TMEM179: variants seen among roughly 807,000 people sequenced by gnomAD.
TMEM179 encodes transmembrane protein 179A.
Under a neutral mutation model 22.2 loss-of-function variants are expected in TMEM179, and 17 were observed. That is an observed-to-expected ratio of 0.77 (90% confidence interval 0.52 to 1.15). The LOEUF (loss-of-function observed/expected upper bound fraction) is 1.15, where lower values mean the gene tolerates loss of function less well. TMEM179 is among the 50% of genes most tolerant of loss of function. TMEM179 has a pLI of 0.00. For missense variants in TMEM179, 265 were observed against 313.6 expected (o/e 0.84, Z 1.17); for synonymous variants, 127 against 140.5 (o/e 0.90, Z 0.68).
chr14:104,598,970 G>A (rs1887145513), intron 1 of TMEM179, among the ~76,000 whole-genome samples: 1 of 152,222 alleles, frequency 6.6e-6, no homozygotes, highest in African/African-American at 2.4e-5. Context: ...CCTCATGGCT[G>A]AAGATGGCTG....
At position 104,595,026 on chromosome 14, in the gene TMEM179, G is replaced by C; in HGVS notation, c.522+139C>G. The C allele has an allele frequency of 6.6e-7, 1 of 1,525,678 alleles. No homozygotes were observed. The highest frequency in any genetic ancestry group is 2.3e-5 in the East Asian group (1 of 42,638). The allele number at this position is 1,525,678 out of a possible 1,614,324, so 94.5% of individuals were successfully genotyped here. ...GGAAGCCTTCCCGACTGCTCCCACT[G>C]CCTGGTCCCATTGCTAACTACCTTA... is the stretch of plus-strand genomic sequence containing the variant. On this transcript the variant is annotated intron_variant, in intron 3 of 3. Transcript: ENST00000556573. This position sits in a 1 kb window ranked among gnomAD's most constrained non-coding sequence, Gnocchi z 5.7.
At position 104,599,179 on chromosome 14, in the gene TMEM179, G is replaced by A. The variant is rs73361871; in HGVS notation, c.306-2052C>T. ...GACTGGCTCCATCCGCCCTGCCCAA[G>A]CCTGAATCACCATGTGCCAGTGTCT... On this transcript the variant is annotated intron_variant, in intron 1 of 3. Coordinates refer to ENST00000556573, the MANE Select transcript of TMEM179 (RefSeq NM_001286389.2). Among the ~76,000 whole-genome samples the A allele has an allele frequency of 5.4e-3, 827 of 152,328 alleles. 11 individuals are homozygous for A. Among genetic ancestry groups the A allele is most frequent in the African/African-American group, 0.018 (766 of 41,578 alleles).
At chr14:104,600,437 G>A (rs1367486929) in intron 1 of TMEM179, among the ~76,000 whole-genome samples, 1 of 152,198 alleles carries the variant, frequency 6.6e-6, no homozygotes, top group East Asian at 1.9e-4. Flanking sequence ...GCATCCCTCC[G>A]GCCCGCCAAC....
chr14:104,596,328 G>A (rs552315397), intron 2 of TMEM179, among the ~76,000 whole-genome samples: 5 of 152,324 alleles, frequency 3.3e-5, no homozygotes, highest in African/African-American at 9.6e-5. Context: ...CACTGTGGGG[G>A]GCAGGCAGTC....
rs1035679433 is a variant in TMEM179, at chr14:104,597,532, C to T, written c.306-405G>A. 5.3e-5 allele frequency among the ~76,000 whole-genome samples: 8 copies of T among 152,134 alleles called. No individual in the cohort carries two copies. Among genetic ancestry groups the T allele is most frequent in the Non-Finnish European group, 8.8e-5 (6 of 68,012 alleles). ...TTGTGTCCCCCCAAATCCATATGTT[C>T]CAGTCCACTGAGGGGTTAGAAAGTG... On this transcript the variant is annotated intron_variant, in intron 1 of 3. Transcript: ENST00000556573. This position sits in a 1 kb window ranked among gnomAD's most constrained non-coding sequence, Gnocchi z 4.8.
Position 104,591,611 on chromosome 14 carries a change from C to T in TMEM179, c.*1868G>A, listed in dbSNP as rs3803317. ...TCGATCCCCCTGGACTTGACACCCC[C>T]GATGGGCACCTGCCAGCCTCACTCC... is the stretch of plus-strand genomic sequence containing the variant. On this transcript the variant is annotated 3_prime_UTR_variant, in exon 4 of 4. Coordinates refer to ENST00000556573, the MANE Select transcript of TMEM179 (RefSeq NM_001286389.2). The T allele has an allele frequency of 0.54, 186,843 of 347,110 alleles. 55,365 individuals carry two copies. The highest frequency in any genetic ancestry group is 0.64 in the Non-Finnish European group (112,234 of 175,874). 21.5% of individuals were successfully genotyped at this position (347,110 alleles called of 1,614,324 possible).
rs759457084 is a variant in TMEM179 at position 104,604,455 on chromosome 14, A to G, written c.287T>C (p.Leu96Pro). 18 of 1,578,168 alleles carry G rather than the reference A, an allele frequency of 1.1e-5. No individual in the cohort carries two copies. The highest frequency in any genetic ancestry group is 1.5e-5 in the Non-Finnish European group (18 of 1,167,100). ...AAHAWRTLFF[L>P]CKGHEGSFFS... is the part of the protein sequence containing the mutation. ...CACTTACCCCTCGTGTCCCTTGCAG[A>G]GGAAGAAGAGCGTGCGCCAGGCGTG... The change falls in exon 1 of 4, where the codon CTC becomes CCC. Residue 96 changes from leucine (L) to proline (P), a missense_variant. By Grantham distance (98) the Leu-to-Pro change is moderately conservative (BLOSUM62 -3). Coordinates refer to ENST00000556573, the MANE Select transcript of TMEM179 (RefSeq NM_001286389.2). This position sits in a 1 kb window ranked among gnomAD's most constrained non-coding sequence, Gnocchi z 4.6.
At position 104,597,262 on chromosome 14, in the gene TMEM179, C is replaced by A; in HGVS notation, c.306-135G>T. On this transcript the variant is annotated intron_variant, in intron 1 of 3. Coordinates refer to ENST00000556573, the MANE Select transcript of TMEM179 (RefSeq NM_001286389.2). This position sits in a 1 kb window ranked among gnomAD's most constrained non-coding sequence, Gnocchi z 4.8. ...CCTGGGCAACCCCCACCAGCAGCAC[C>A]CCCCGGACCCTCAGGATTCCTGGGT... is the stretch of plus-strand genomic sequence containing the variant. 2 of 1,233,322 alleles carry A rather than the reference C, an allele frequency of 1.6e-6. No individual in the cohort carries two copies. Among genetic ancestry groups the A allele is most frequent in the Non-Finnish European group, 2.2e-6 (2 of 910,616 alleles). 76.4% of individuals were successfully genotyped at this position (1,233,322 alleles called of 1,614,324 possible). A position where few individuals can be genotyped will look rare whatever the true frequency, so the allele number is the denominator to read the frequency against.
intron 2 of TMEM179, 34 bp downstream of exon 2, chr14:104,596,956 T>C (rs770720056): frequency 1.6e-5 from 25 of 1,532,528 alleles, no homozygotes; most frequent in Non-Finnish European, 2.2e-5. Context: ...TCCGGGGAGG[T>C]GGGCGGAGGC....
chr14:104,594,327 A>G (rs1296149979), intron 3 of TMEM179: 1 of 1,231,186 alleles, frequency 8.1e-7, no homozygotes, highest in Non-Finnish European at 1.0e-6. Context: ...CCTGGCCAGG[A>G]GAAGCGTCCT....
chr14:104,593,614 C>T lies in TMEM179; in HGVS notation c.567G>A (p.Thr189=), dbSNP rs934718693. ...ASWLAWLAIT[T]LAFLKVYHNY... ...TGTGGTAGACCTTCAGGAAGGCCAG[C>T]GTGGTGATGGCCAGCCAGGCCAGCC... Residue 189 remains threonine, a synonymous_variant, in exon 4 of 4, where the codon ACG becomes ACA. Transcript: ENST00000556573. 38 of 1,499,066 alleles carry T rather than the reference C, an allele frequency of 2.5e-5. No individual in the cohort carries two copies. The highest frequency in any genetic ancestry group is 3.4e-4 in the Middle Eastern group (2 of 5,842). The allele number at this position is 1,499,066 out of a possible 1,614,324, so 92.9% of individuals were successfully genotyped here. A position where few individuals can be genotyped will look rare whatever the true frequency, so the allele number is the denominator to read the frequency against.
intron 3 of TMEM179, chr14:104,594,888 C>A: frequency 7.7e-7 from 1 of 1,301,364 alleles, no homozygotes; most frequent in South Asian, 1.9e-5. Flanking sequence ...CCCCACACCC[C>A]CACACTTCCC....
In TMEM179 at chr14:104,593,661, GCA is replaced by G. The variant is rs1053145925; in HGVS notation, c.523-5_523-4del. ...AGCCATGAGGCCCAGAGGCCAAACT[GCA>G]CAGAGGGCAGGGTCAGGGTCAGAAG... On this transcript the variant is annotated splice_polypyrimidine_tract_variant and splice_region_variant and intron_variant, in intron 3 of 3. Transcript: ENST00000556573. 6 of 1,466,880 alleles carry G rather than the reference GCA, an allele frequency of 4.1e-6. No homozygotes were observed. In the African/African-American group the frequency reaches 7.0e-5, roughly 17 times the overall value. 90.9% of individuals were successfully genotyped at this position (1,466,880 alleles called of 1,614,324 possible).
chr14:104,599,261 G>C (rs1360303803), intron 1 of TMEM179, among the ~76,000 whole-genome samples: 2 of 150,380 alleles, frequency 1.3e-5, no homozygotes, highest in Non-Finnish European at 3.0e-5. Context: ...AGGCTGAAAG[G>C]TGTGGACCAT....
intron 1 of TMEM179, among the ~76,000 whole-genome samples, chr14:104,598,500 T>A (rs1887119414): frequency 1.3e-5 from 2 of 152,266 alleles, no homozygotes. Context: ...CAGCTGCTGA[T>A]GAGGCAAAGT....
intron 3 of TMEM179, chr14:104,594,953 C>A: frequency 7.4e-7 from 1 of 1,345,606 alleles, no homozygotes; most frequent in South Asian, 1.6e-5. Flanking sequence ...GTGGCCATCT[C>A]CTCCCCAAAC....
At position 104,604,468 on chromosome 14, in the gene TMEM179, T is replaced by G; in HGVS notation, c.274A>C (p.Thr92Pro). ...TGTCCCTTGCAGAGGAAGAAGAGCG[T>G]GCGCCAGGCGTGCGCGGCGGCCAGC... ...LLLAAAHAWR[T>P]LFFLCKGHEG... The change falls in exon 1 of 4, where the codon ACG becomes CCG. Residue 92 changes from threonine to proline, a missense_variant. Physicochemically the swap from Thr to Pro is conservative, Grantham distance 38. Transcript: ENST00000556573. This position sits in a 1 kb window ranked among gnomAD's most constrained non-coding sequence, Gnocchi z 4.6. The G allele has an allele frequency of 6.3e-7, 1 of 1,581,916 alleles. No individual in the cohort carries two copies. The highest frequency in any genetic ancestry group is 8.6e-7 in the Non-Finnish European group (1 of 1,168,210).
At position 104,592,786 on chromosome 14, in the gene TMEM179, C is replaced by G. The variant is rs906719251; in HGVS notation, c.*693G>C. Among the ~76,000 whole-genome samples the G allele has an allele frequency of 6.6e-6, 1 of 152,188 alleles. No individual in the cohort carries two copies. Among genetic ancestry groups the G allele is most frequent in the African/African-American group, 2.4e-5 (1 of 41,438 alleles). On this transcript the variant is annotated 3_prime_UTR_variant, in exon 4 of 4. Transcript: ENST00000556573. ...AGTCCTCTATGTGGTACGTGTGCCCCCGAAATCCCCAACCAGATGATGCCC... is the reference window on the plus strand; with the variant it reads ...AGTCCTCTATGTGGTACGTGTGCCCGCGAAATCCCCAACCAGATGATGCCC...
rs1272816210 is a variant in TMEM179 at position 104,593,472 on chromosome 14, A to T, written c.*7T>A. The T allele has an allele frequency of 1.0e-5, 16 of 1,535,876 alleles. No homozygotes were observed. Among genetic ancestry groups the T allele is most frequent in the Non-Finnish European group, 1.4e-5 (16 of 1,146,828 alleles). On this transcript the variant is annotated 3_prime_UTR_variant, in exon 4 of 4. Transcript: ENST00000556573. ...GTCGGGGCCAGCTCCCCCTGCCTGCACTGTGCCTAAATGACAGCGCTCTTC... is the reference window on the plus strand; with the variant it reads ...GTCGGGGCCAGCTCCCCCTGCCTGCTCTGTGCCTAAATGACAGCGCTCTTC...
Sources: allele counts gnomAD v4.1 joint callset (sites outside exome capture counted in the v4.1 genomes callset), GRCh38; gene constraint gnomAD v4.1.1; non-coding constraint Gnocchi (gnomAD v3.1); transcripts MANE v1.5; gene names NCBI Gene and HGNC (gene_info 2026-07-23, HGNC 2026-07-21).